SHISA9: variants seen among roughly 807,000 people sequenced by gnomAD.
SHISA9 encodes protein shisa-9.
SHISA9 carries 13 observed loss-of-function variants against 38.0 expected under a neutral mutation model. The observed-to-expected ratio is 0.34, with a 90% CI of 0.22 to 0.54. The LOEUF is 0.54. SHISA9 is among the 20% of genes least tolerant of loss of function. The probability of loss-of-function intolerance (pLI) is 0.91; values close to 1 mark genes in which losing one functional copy is unlikely to be tolerated. For missense variants in SHISA9, 538 were observed against 575.8 expected, an observed-to-expected ratio of 0.93 and a Z score of 0.67; for synonymous variants, 275 against 242.0, an observed-to-expected ratio of 1.14 and a Z score of -1.27.
At chr16:13,368,132 T>G in the SHISA9 span, among the ~76,000 whole-genome samples, 23 of 152,238 alleles carry the variant, frequency 1.5e-4, no homozygotes, top group South Asian at 4.8e-3. Flanking sequence ...CAACCAGCCC[T>G]TAAAACTGAG....
At chr16:13,353,074 G>A in the SHISA9 span, among the ~76,000 whole-genome samples, 94,396 of 151,870 alleles carry the variant, frequency 0.62, 30,340 homozygotes, top group East Asian at 0.77. Flanking sequence ...TTGGGGCGGC[G>A]AAAATTTTTG....
the SHISA9 span, among the ~76,000 whole-genome samples, chr16:13,531,680 G>A: frequency 4.6e-4 from 70 of 152,282 alleles, no homozygotes; most frequent in African/African-American, 1.5e-3. Flanking sequence ...GTGGAGAGGG[G>A]ACTGATTTTG....
chr16:13,018,174 G>A (rs1367450319), intron 2 of SHISA9, among the ~76,000 whole-genome samples: 2 of 152,130 alleles, frequency 1.3e-5, no homozygotes, highest in African/African-American at 2.4e-5. Flanking sequence ...GCTCTGTTTT[G>A]GATACATTCT....
In SHISA9 at chr16:13,227,934, C is replaced by T. The variant is rs118159498; in HGVS notation, c.896-7096C>T. 2.0e-3 allele frequency among the ~76,000 whole-genome samples: 307 copies of T among 152,318 alleles called. 2 individuals carry two copies. The highest frequency in any genetic ancestry group is 5.5e-3 in the Admixed American group (84 of 15,306). On this transcript the variant is annotated intron_variant, in intron 4 of 4. Transcript: ENST00000558583. ...GCCTACCATAGAGTAAGTGTTCAAA[C>T]AATGTCTGTCAAATTTAATCCAGGG... is the stretch of plus-strand genomic sequence containing the variant.
chr16:13,084,798 A>G (rs949075594), intron 2 of SHISA9, among the ~76,000 whole-genome samples: 2 of 152,176 alleles, frequency 1.3e-5, no homozygotes, highest in African/African-American at 2.4e-5. Context: ...ATGGAGATAT[A>G]AAGAATGAAG....
intron 2 of SHISA9, among the ~76,000 whole-genome samples, chr16:13,059,870 C>T (rs1298793259): frequency 6.6e-6 from 1 of 151,962 alleles, no homozygotes; most frequent in Non-Finnish European, 1.5e-5. Flanking sequence ...ATTGACAAGC[C>T]CAGGAGAGAG....
the SHISA9 span, among the ~76,000 whole-genome samples, chr16:13,289,999 G>A: frequency 1.3e-5 from 2 of 152,138 alleles, no homozygotes; most frequent in Admixed American, 6.6e-5. Flanking sequence ...AAGTCTAGTT[G>A]TTTTATAAGA....
At chr16:12,966,025 T>C (rs1156523718) in intron 2 of SHISA9, among the ~76,000 whole-genome samples, 1 of 152,224 alleles carries the variant, frequency 6.6e-6, no homozygotes, top group Non-Finnish European at 1.5e-5. Flanking sequence ...TTCTCTGTTG[T>C]AGAAGGCTTC....
At chr16:13,539,050 T>C in the SHISA9 span, among the ~76,000 whole-genome samples, 1 of 151,940 alleles carries the variant, frequency 6.6e-6, no homozygotes, top group Non-Finnish European at 1.5e-5. Context: ...TGAGTCCCAA[T>C]GTTTTCTGAG....
At chr16:13,087,078 C>T (rs1005097968) in intron 2 of SHISA9, among the ~76,000 whole-genome samples, 2 of 148,998 alleles carry the variant, frequency 1.3e-5, no homozygotes, top group African/African-American at 5.0e-5. Flanking sequence ...GTTTTCTGTC[C>T]TTGTGATAGT....
At chr16:12,992,860 A>T (rs1488037484) in intron 2 of SHISA9, among the ~76,000 whole-genome samples, 1 of 152,210 alleles carries the variant, frequency 6.6e-6, no homozygotes, top group Non-Finnish European at 1.5e-5. Flanking sequence ...ATGACTGAGC[A>T]CTTCACATGC....
chr16:13,561,130 G>A, the SHISA9 span, among the ~76,000 whole-genome samples: 2 of 152,182 alleles, frequency 1.3e-5, no homozygotes, highest in Non-Finnish European at 2.9e-5. Context: ...AGCCTCCATA[G>A]TGCTGGGATT....
chr16:13,267,734 C>G, the SHISA9 span, among the ~76,000 whole-genome samples: 2 of 152,158 alleles, frequency 1.3e-5, no homozygotes, highest in Non-Finnish European at 2.9e-5. Flanking sequence ...AATCTATTCT[C>G]TGCTCCATCT....
chr16:13,386,779 CATTTT>C, the SHISA9 span, among the ~76,000 whole-genome samples: 1 of 152,156 alleles, frequency 6.6e-6, no homozygotes, highest in African/African-American at 2.4e-5. Flanking sequence ...CAAACTGTCT[CATTTT>C]AATTGTTATT....
At chr16:12,924,219 A>C (rs72782641) in intron 2 of SHISA9, among the ~76,000 whole-genome samples, 7,312 of 152,204 alleles carry the variant, frequency 0.048, 214 homozygotes, top group East Asian at 0.1. Flanking sequence ...GTGCATGAGG[A>C]GGGAAAGGCG....
chr16:13,374,267 T>G, the SHISA9 span, among the ~76,000 whole-genome samples: 2 of 152,088 alleles, frequency 1.3e-5, no homozygotes, highest in Non-Finnish European at 2.9e-5. Flanking sequence ...GCTGCACCCG[T>G]TAACTCGTCA....
At chr16:13,067,936 C>T (rs569244917) in intron 2 of SHISA9, among the ~76,000 whole-genome samples, 4 of 152,350 alleles carry the variant, frequency 2.6e-5, no homozygotes, top group South Asian at 2.1e-4. Context: ...CCCCGGACAC[C>T]GGCATTAATG....
intron 2 of SHISA9, among the ~76,000 whole-genome samples, chr16:13,050,078 T>A (rs1269263650): frequency 1.3e-5 from 2 of 152,150 alleles, no homozygotes; most frequent in Admixed American, 1.3e-4. Context: ...GGTACTATGA[T>A]GATATAGAAT....
At chr16:13,517,246 C>G in the SHISA9 span, among the ~76,000 whole-genome samples, 1 of 152,168 alleles carries the variant, frequency 6.6e-6, no homozygotes, top group African/African-American at 2.4e-5. Context: ...AGCTAAGAGA[C>G]AAGCACGAAA....
Sources: gnomAD v4.1 joint callset for allele counts (sites outside exome capture counted in the v4.1 genomes callset) on GRCh38, gnomAD v4.1.1 for gene constraint, MANE v1.5 for transcripts, NCBI Gene and HGNC (gene_info 2026-07-23, HGNC 2026-07-21) for gene names.